Variants in MEIS2 observed in about 807,000 individuals in gnomAD.
The protein encoded by MEIS2 is homeobox protein Meis2.
In MEIS2, 9 loss-of-function variants were observed where a neutral mutation model predicts 58.6. The ratio of observed to expected loss-of-function variants is 0.15; its 90% CI spans 0.09 to 0.27. The LOEUF (loss-of-function observed/expected upper bound fraction) is 0.27, where lower values mean the gene tolerates loss of function less well. MEIS2 is among the 10% of genes least tolerant of loss of function. The pLI, the probability that MEIS2 is intolerant of heterozygous loss-of-function variation, is 1.00. For synonymous variants in MEIS2, 221 were observed against 228.4 expected (o/e 0.97, Z 0.29); for missense variants, 427 against 635.0 (o/e 0.67, Z 3.52).
chr15:37,037,543 A>C (rs2062211862), intron 7 of MEIS2, among the ~76,000 whole-genome samples: 1 of 152,132 alleles, frequency 6.6e-6, no homozygotes, highest in Non-Finnish European at 1.5e-5. Context: ...TATCATGAAA[A>C]AAAAAAAGAT....
At chr15:36,995,990 T>TATATATAC (rs1567159972) in intron 8 of MEIS2, among the ~76,000 whole-genome samples, 3 of 51,886 alleles carry the variant, frequency 5.8e-5, no homozygotes, top group East Asian at 3.7e-4. Context: ...TATATATATA[T>TATATATAC]ATATATATAT....
At chr15:36,936,456 C>T (rs1409651639) in intron 9 of MEIS2, among the ~76,000 whole-genome samples, 1 of 152,130 alleles carries the variant, frequency 6.6e-6, no homozygotes. Flanking sequence ...TGGAGCAAAA[C>T]TTTTCTTCAG....
chr15:37,078,931 C>T (rs73395444), intron 7 of MEIS2, among the ~76,000 whole-genome samples: 100 of 152,076 alleles, frequency 6.6e-4, no homozygotes, highest in African/African-American at 2.4e-3. Flanking sequence ...GAAGAAATTA[C>T]TCAAAATTAA....
At position 36,891,948 on chromosome 15, in the gene MEIS2, T is replaced by C; in HGVS notation, c.*225A>G. ...TACAGTAGTTATAACTCTCGGAGTCTTTTTCCAGAGGATCTTTACATGGAC... is the reference window on the plus strand; with the variant it reads ...TACAGTAGTTATAACTCTCGGAGTCCTTTTCCAGAGGATCTTTACATGGAC... On this transcript the variant is annotated 3_prime_UTR_variant, in exon 12 of 12. Transcript: ENST00000561208. 1 of 584,222 alleles carries C rather than the reference T, an allele frequency of 1.7e-6. No homozygotes were observed. The highest frequency in any genetic ancestry group is 3.0e-6 in the Non-Finnish European group (1 of 331,732). 36.2% of individuals were successfully genotyped at this position (584,222 alleles called of 1,614,324 possible).
At chr15:36,931,750 ATGC>A (rs1367206443) in intron 9 of MEIS2, among the ~76,000 whole-genome samples, 1 of 152,244 alleles carries the variant, frequency 6.6e-6, no homozygotes, top group East Asian at 1.9e-4. Flanking sequence ...GCCAAGAATC[ATGC>A]TAAGTATAGA....
intron 7 of MEIS2, among the ~76,000 whole-genome samples, chr15:37,047,043 A>G (rs1183728671): frequency 6.6e-6 from 1 of 152,184 alleles, no homozygotes; most frequent in African/African-American, 2.4e-5. Context: ...GTGCAGGATA[A>G]AAGAATGTAC....
chr15:37,084,241 C>T (rs1348185264), intron 6 of MEIS2, among the ~76,000 whole-genome samples: 2 of 152,168 alleles, frequency 1.3e-5, no homozygotes, highest in South Asian at 2.1e-4. Flanking sequence ...TTTTTACTCT[C>T]GCTATCTTAA....
intron 9 of MEIS2, among the ~76,000 whole-genome samples, chr15:36,908,033 A>G (rs2056827478): frequency 6.6e-6 from 1 of 152,140 alleles, no homozygotes; most frequent in Admixed American, 6.5e-5. Context: ...TTATGAAAAC[A>G]TATTATATTA....
Position 36,973,790 on chromosome 15 carries a change from T to C in MEIS2, c.901-23390A>G, listed in dbSNP as rs77366066. On this transcript the variant is annotated intron_variant, in intron 8 of 11. Transcript: ENST00000561208. ...AAAAAACCCTAAAAACTAATGACAT[T>C]GTTTTCTTCTTATTTAAAAAAAAAA... 5.8e-3 allele frequency among the ~76,000 whole-genome samples: 886 copies of C among 152,196 alleles called. 10 individuals are homozygous for C. The highest frequency in any genetic ancestry group is 0.02 in the African/African-American group (841 of 41,536).
intron 9 of MEIS2, among the ~76,000 whole-genome samples, chr15:36,926,198 G>A (rs901823578): frequency 2.0e-5 from 3 of 150,516 alleles, no homozygotes; most frequent in African/African-American, 4.9e-5. Flanking sequence ...CCTACTACAA[G>A]GTTGTCCCTG....
At chr15:36,975,466 A>C (rs1007463303) in intron 8 of MEIS2, among the ~76,000 whole-genome samples, 4 of 90,210 alleles carry the variant, frequency 4.4e-5, no homozygotes, top group Non-Finnish European at 7.8e-5. Context: ...ATAAAAAATA[A>C]GGGTTTTTTT....
chr15:36,955,043 G>A (rs1465017847), intron 8 of MEIS2, among the ~76,000 whole-genome samples: 2 of 152,254 alleles, frequency 1.3e-5, no homozygotes, highest in East Asian at 3.9e-4. Context: ...ATAGGGTACA[G>A]GCAGACATGC....
chr15:37,088,454 G>A lies in MEIS2; in HGVS notation c.640-4569C>T, dbSNP rs151253551. ...TGTTTTAACTCCTAATTAACATTAT[G>A]CAAAAAATATTTTTAAAAATAAAAC... On this transcript the variant is annotated intron_variant, in intron 6 of 11. Coordinates refer to ENST00000561208, the MANE Select transcript of MEIS2 (RefSeq NM_170675.5). 1.5e-4 allele frequency among the ~76,000 whole-genome samples: 23 copies of A among 152,158 alleles called. No individual in the cohort carries two copies. In the East Asian group the frequency reaches 3.9e-3, roughly 26 times the overall value.
intron 7 of MEIS2, among the ~76,000 whole-genome samples, chr15:37,066,897 GT>G (rs1890013339): frequency 6.6e-6 from 1 of 151,338 alleles, no homozygotes; most frequent in Non-Finnish European, 1.5e-5. Flanking sequence ...TCCTGCCTCA[GT>G]CTCCTGAAGA....
intron 1 of MEIS2, chr15:37,098,960 G>A: frequency 2.0e-6 from 2 of 985,366 alleles, no homozygotes; most frequent in Non-Finnish European, 2.4e-6. Flanking sequence ...GACAAAACAA[G>A]CAGCCCAGGC....
rs2055794608 is a variant in MEIS2 at position 36,890,080 on chromosome 15, C to T, written c.*2093G>A. 6.6e-6 allele frequency: 1 copy of T among 152,110 alleles called. No homozygotes were observed. Among genetic ancestry groups the T allele is most frequent in the Non-Finnish European group, 1.5e-5 (1 of 68,008 alleles). The allele number at this position is 152,110 out of a possible 1,614,324, so 9.4% of individuals were successfully genotyped here. A position where few individuals can be genotyped will look rare whatever the true frequency, so the allele number is the denominator to read the frequency against. ...CTGAAATGGAAAGATGGAAGAGCCC[C>T]AAATAATAACTATGGATTTCTTCCA... On this transcript the variant is annotated 3_prime_UTR_variant, in exon 12 of 12. Coordinates refer to ENST00000561208, the MANE Select transcript of MEIS2 (RefSeq NM_170675.5).
intron 9 of MEIS2, among the ~76,000 whole-genome samples, chr15:36,946,381 A>G (rs1322725227): frequency 6.6e-6 from 1 of 150,488 alleles, no homozygotes; most frequent in African/African-American, 2.4e-5. Flanking sequence ...CTTACCTCCT[A>G]CAGTTCCCTA....
intron 8 of MEIS2, among the ~76,000 whole-genome samples, chr15:37,023,939 A>C (rs1297478673): frequency 4.0e-5 from 2 of 49,580 alleles, no homozygotes; most frequent in African/African-American, 7.7e-5. Context: ...TTTTTGATGG[A>C]GTTTTGTTTT....
chr15:36,896,723 G>T, intron 9 of MEIS2, 37 bp from the exon 10 acceptor site: 1 of 1,555,518 alleles, frequency 6.4e-7, no homozygotes, highest in Non-Finnish European at 8.9e-7. Context: ...ATCATACTCC[G>T]TTTCTGTACT....
Sources: gnomAD v4.1 joint callset for allele counts (sites outside exome capture counted in the v4.1 genomes callset) on GRCh38, gnomAD v4.1.1 for gene constraint, MANE v1.5 for transcripts, NCBI Gene and HGNC (gene_info 2026-07-23, HGNC 2026-07-21) for gene names.